The following GRIA4 variants were observed in gnomAD, a reference collection of about 807,000 sequenced individuals.
GRIA4 encodes the protein glutamate ionotropic receptor AMPA type subunit 4, also known as glutamate receptor 4.
Under a neutral mutation model 104.0 loss-of-function variants are expected in GRIA4, and 34 were observed. That is an observed-to-expected ratio of 0.33 (90% CI 0.25 to 0.44). The LOEUF (loss-of-function observed/expected upper bound fraction) is 0.44. GRIA4 is among the 20% of genes least tolerant of loss of function. The probability of loss-of-function intolerance (pLI) is 1.00; values close to 1 mark genes in which losing one functional copy is unlikely to be tolerated. For synonymous variants in GRIA4, 386 were observed against 381.9 expected (o/e 1.01, Z -0.13); for missense variants, 750 against 1,096.5 (o/e 0.68, Z 4.46).
chr11:105,702,098 TAATTTTA>T (rs1376898469), intron 3 of GRIA4, among the ~76,000 whole-genome samples: 1 of 152,100 alleles, frequency 6.6e-6, no homozygotes, highest in East Asian at 1.9e-4. Flanking sequence ...TACATCTGGC[TAATTTTA>T]AAAATGTGTT....
intron 13 of GRIA4, among the ~76,000 whole-genome samples, chr11:105,932,488 T>C (rs1947909765): frequency 1.3e-5 from 2 of 152,094 alleles, no homozygotes; most frequent in Non-Finnish European, 2.9e-5. Flanking sequence ...AATATATCTT[T>C]TGGAGACATT....
chr11:105,723,680 C>T (rs1439984176), intron 3 of GRIA4, among the ~76,000 whole-genome samples: 2 of 152,046 alleles, frequency 1.3e-5, no homozygotes, highest in African/African-American at 2.4e-5. Context: ...AATCATTGCT[C>T]GCTTCAACTT....
chr11:105,701,991 G>A (rs1953512859), intron 3 of GRIA4, among the ~76,000 whole-genome samples: 1 of 152,048 alleles, frequency 6.6e-6, no homozygotes, highest in Non-Finnish European at 1.5e-5. Context: ...CTGGAGTGCA[G>A]CGTTGCAATC....
chr11:105,853,460 C>T (rs1944892880), intron 4 of GRIA4, among the ~76,000 whole-genome samples: 1 of 152,090 alleles, frequency 6.6e-6, no homozygotes, highest in Non-Finnish European at 1.5e-5. Flanking sequence ...CTCTCTCTGC[C>T]ATTTGTAGAG....
intron 3 of GRIA4, among the ~76,000 whole-genome samples, chr11:105,714,827 G>A (rs1243434574): frequency 6.6e-6 from 1 of 152,086 alleles, no homozygotes; most frequent in East Asian, 1.9e-4. Context: ...GTGTTCGTGT[G>A]TGTGTGTGTT....
chr11:105,720,462 T>C (rs766512498), intron 3 of GRIA4, among the ~76,000 whole-genome samples: 13 of 152,080 alleles, frequency 8.5e-5, no homozygotes, highest in Non-Finnish European at 1.3e-4. Context: ...TATGAAATGA[T>C]GGGTTTCTCA....
intron 3 of GRIA4, among the ~76,000 whole-genome samples, chr11:105,684,580 C>G (rs1439424324): frequency 6.9e-6 from 1 of 144,190 alleles, no homozygotes; most frequent in Non-Finnish European, 1.5e-5. Context: ...TATTTATTGA[C>G]TATATATTAT....
chr11:105,869,556 T>G (rs889528698), intron 5 of GRIA4, among the ~76,000 whole-genome samples: 3 of 152,140 alleles, frequency 2.0e-5, no homozygotes, highest in African/African-American at 7.2e-5. Context: ...ATTTTGCATC[T>G]ACTCCTCAAA....
chr11:105,686,773 G>T (rs1952896235), intron 3 of GRIA4, among the ~76,000 whole-genome samples: 1 of 152,148 alleles, frequency 6.6e-6, no homozygotes, highest in Non-Finnish European at 1.5e-5. Flanking sequence ...CATTGTGACT[G>T]GTGTGGGATG....
At chr11:105,751,264 A>G (rs1939980062) in intron 3 of GRIA4, among the ~76,000 whole-genome samples, 2 of 152,186 alleles carry the variant, frequency 1.3e-5, no homozygotes, top group Admixed American at 1.3e-4. Flanking sequence ...AACAAAAAAT[A>G]TGAAAATATG....
intron 3 of GRIA4, among the ~76,000 whole-genome samples, chr11:105,744,004 T>G (rs1236991844): frequency 6.6e-6 from 1 of 152,190 alleles, no homozygotes; most frequent in Non-Finnish European, 1.5e-5. Flanking sequence ...CTTACTGGTT[T>G]GTATGTCTTT....
At chr11:105,851,356 G>A (rs1363782495) in intron 4 of GRIA4, among the ~76,000 whole-genome samples, 6 of 152,138 alleles carry the variant, frequency 3.9e-5, no homozygotes, top group Non-Finnish European at 4.4e-5. Flanking sequence ...AGCAATTACA[G>A]TTATAATTTC....
At chr11:105,691,236 C>A (rs56671885) in intron 3 of GRIA4, among the ~76,000 whole-genome samples, 4,071 of 152,174 alleles carry the variant, frequency 0.027, 101 homozygotes, top group African/African-American at 0.065. Flanking sequence ...CCATAGGTAA[C>A]AACAACCCAG....
chr11:105,950,949 A>G (rs1565361318), intron 14 of GRIA4, among the ~76,000 whole-genome samples: 1 of 152,148 alleles, frequency 6.6e-6, no homozygotes, highest in African/African-American at 2.4e-5. Context: ...CTGGACCAGA[A>G]GGCAGAAGAC....
chr11:105,903,834 T>C lies in GRIA4; in HGVS notation c.906T>C (p.Tyr302=), dbSNP rs907072991. 2 of 1,610,668 alleles carry C rather than the reference T, an allele frequency of 1.2e-6. No individual in the cohort carries two copies. The highest frequency in any genetic ancestry group is 1.7e-6 in the Non-Finnish European group (2 of 1,176,834). ...GTTAGTACACCTCTGCTCTGACTTA[T>C]GATGGAGTCCTTGTGATGGCTGAAA... ...TPPKYTSALT[Y]DGVLVMAETF... Residue 302 remains tyrosine, a synonymous_variant, in exon 8 of 17, where the codon TAT becomes TAC. Coordinates refer to ENST00000282499, the MANE Select transcript of GRIA4 (RefSeq NM_000829.4).
In GRIA4 at chr11:105,615,357, A is replaced by AT. The variant is rs1950574908; in HGVS notation, c.247+2928dup. On this transcript the variant is annotated intron_variant, in intron 3 of 16. Transcript: ENST00000282499. ...TAAACCTGATTAACTTAAACTTATA[A>AT]TTTTTGGTATAAATCCCACATTCCT... Among the ~76,000 whole-genome samples, 3 of 152,002 alleles carry AT rather than the reference A, an allele frequency of 2.0e-5. No individual in the cohort carries two copies. The South Asian group carries it at 6.2e-4, about 31-fold the overall frequency.
intron 10 of GRIA4, among the ~76,000 whole-genome samples, chr11:105,916,930 G>A (rs548790166): frequency 6.6e-5 from 10 of 151,922 alleles, no homozygotes; most frequent in South Asian, 2.1e-4. Flanking sequence ...TTCTAAGGAC[G>A]CTTCCATATT....
Position 105,611,136 on chromosome 11 carries a change from C to T in GRIA4, c.88+51C>T, listed in dbSNP as rs781423550. ...CATGTGGCTGGTTGTAGCAGATATC[C>T]GAAAGTGAGTTAAATGAGTTGCTGA... On this transcript the variant is annotated intron_variant, in intron 2 of 16. Coordinates refer to ENST00000282499, the MANE Select transcript of GRIA4 (RefSeq NM_000829.4). The T allele has an allele frequency of 3.1e-6, 4 of 1,294,436 alleles. No homozygotes were observed. In the East Asian group the frequency reaches 6.9e-5, roughly 22 times the overall value. 80.2% of individuals were successfully genotyped at this position (1,294,436 alleles called of 1,614,324 possible). A position where few individuals can be genotyped will look rare whatever the true frequency, so the allele number is the denominator to read the frequency against.
At chr11:105,641,466 A>G (rs1480299196) in intron 3 of GRIA4, among the ~76,000 whole-genome samples, 1 of 152,202 alleles carries the variant, frequency 6.6e-6, no homozygotes, top group African/African-American at 2.4e-5. Context: ...TATAGAGTGT[A>G]TAAATGGAAA....
Sources: gnomAD v4.1 joint callset for allele counts (sites outside exome capture counted in the v4.1 genomes callset) on GRCh38, gnomAD v4.1.1 for gene constraint, MANE v1.5 for transcripts, NCBI Gene and HGNC (gene_info 2026-07-23, HGNC 2026-07-21) for gene names.